Variants in SEMA6D observed in about 807,000 individuals in gnomAD.
The protein encoded by SEMA6D is semaphorin 6D.
A neutral mutation model predicts 106.6 loss-of-function variants in SEMA6D; 35 were observed. The observed-to-expected ratio is 0.33, with a 90% CI of 0.25 to 0.44. SEMA6D has a LOEUF of 0.44. SEMA6D is among the 20% of genes least tolerant of loss of function. The pLI is 1.00. For synonymous variants in SEMA6D, 499 were observed against 487.7 expected, an observed-to-expected ratio of 1.02 and a Z score of -0.31; for missense variants, 1,185 against 1,345.9, an observed-to-expected ratio of 0.88 and a Z score of 1.87.
chr15:47,316,110 T>TTTTTTTTTTTTTA (rs2036664918), intron 1 of SEMA6D, among the ~76,000 whole-genome samples: 8 of 141,150 alleles, frequency 5.7e-5, no homozygotes, highest in Non-Finnish European at 9.1e-5. Flanking sequence ...TCCTTTTTTT[T>TTTTTTTTTTTTTA]GAGACAGAAT....
intron 2 of SEMA6D, among the ~76,000 whole-genome samples, chr15:47,452,208 G>T (rs1473320732): frequency 6.6e-6 from 1 of 151,604 alleles, no homozygotes; most frequent in Non-Finnish European, 1.5e-5. Context: ...TGATAATAAC[G>T]ATGAGGCAAA....
At chr15:47,198,440 A>C (rs1161287600) in intron 1 of SEMA6D, among the ~76,000 whole-genome samples, 1 of 152,084 alleles carries the variant, frequency 6.6e-6, no homozygotes, top group Non-Finnish European at 1.5e-5. Context: ...AATATATACA[A>C]TTTTATCTGT....
At chr15:47,381,461 C>T (rs1304685681) in intron 1 of SEMA6D, among the ~76,000 whole-genome samples, 1 of 152,162 alleles carries the variant, frequency 6.6e-6, no homozygotes, top group African/African-American at 2.4e-5. Flanking sequence ...GTTCCTGAAA[C>T]CAACCTCATT....
intron 1 of SEMA6D, among the ~76,000 whole-genome samples, chr15:47,209,976 T>C (rs1315805722): frequency 6.6e-6 from 1 of 152,196 alleles, no homozygotes; most frequent in Non-Finnish European, 1.5e-5. Flanking sequence ...AGAAAACTAC[T>C]ACATTCTCTT....
chr15:47,555,617 C>T (rs192619862), intron 3 of SEMA6D, among the ~76,000 whole-genome samples: 4 of 152,240 alleles, frequency 2.6e-5, no homozygotes, highest in Non-Finnish European at 5.9e-5. Context: ...TCTCCTACAA[C>T]ATAGATTGCT....
At chr15:47,280,985 T>C (rs2035078185) in intron 1 of SEMA6D, among the ~76,000 whole-genome samples, 1 of 27,572 alleles carries the variant, frequency 3.6e-5, no homozygotes, top group Admixed American at 4.5e-4. Flanking sequence ...GGTGTGGTGC[T>C]GAAAAAAATG....
chr15:47,264,757 A>G (rs906749816), intron 1 of SEMA6D, among the ~76,000 whole-genome samples: 3 of 151,998 alleles, frequency 2.0e-5, no homozygotes, highest in Admixed American at 2.0e-4. Context: ...AATGTTCTTT[A>G]TCAAGTTGAA....
At chr15:47,582,945 C>A (rs1028768873) in intron 3 of SEMA6D, among the ~76,000 whole-genome samples, 69 of 152,322 alleles carry the variant, frequency 4.5e-4, no homozygotes, top group African/African-American at 1.6e-3. Flanking sequence ...TATTGCCAAG[C>A]CCTCCACTCC....
chr15:47,539,045 T>C (rs2045271300), intron 3 of SEMA6D, among the ~76,000 whole-genome samples: 1 of 152,206 alleles, frequency 6.6e-6, no homozygotes, highest in Admixed American at 6.5e-5. Flanking sequence ...CACTGTGACT[T>C]AAGCTTCAGG....
chr15:47,525,115 C>T lies in SEMA6D; in HGVS notation c.-87+54570C>T, dbSNP rs1566857388. On this transcript the variant is annotated intron_variant, in intron 3 of 19. Coordinates refer to the SEMA6D transcript ENST00000558014. ...GTCATACTTCCATGTGACTTTGCCC[C>T]CTGCCTACCAGTAGTCTCTCTCTCT... 3 of 152,210 alleles carry T rather than the reference C, an allele frequency of 2.0e-5. No individual in the cohort carries two copies. The South Asian group carries it at 6.2e-4, about 32-fold the overall frequency. 9.4% of individuals were successfully genotyped at this position (152,210 alleles called of 1,614,324 possible). A position where few individuals can be genotyped will look rare whatever the true frequency, so the allele number is the denominator to read the frequency against.
At chr15:47,291,994 A>G (rs547546229) in intron 1 of SEMA6D, among the ~76,000 whole-genome samples, 28 of 152,376 alleles carry the variant, frequency 1.8e-4, no homozygotes, top group African/African-American at 6.5e-4. Context: ...GTATATGCAC[A>G]TATGCAGAAT....
intron 1 of SEMA6D, among the ~76,000 whole-genome samples, chr15:47,276,010 C>T (rs1418152273): frequency 6.6e-6 from 1 of 152,134 alleles, no homozygotes; most frequent in Non-Finnish European, 1.5e-5. Flanking sequence ...GATAGAAGTT[C>T]AAACCAGCCA....
chr15:47,203,387 AAG>A (rs1220745332), intron 1 of SEMA6D, among the ~76,000 whole-genome samples: 10 of 152,182 alleles, frequency 6.6e-5, no homozygotes, highest in African/African-American at 2.4e-4. Context: ...ATCACTGGAA[AAG>A]AGAAGAGACT....
chr15:47,634,563 G>T (rs892994979), intron 4 of SEMA6D, among the ~76,000 whole-genome samples: 3 of 152,176 alleles, frequency 2.0e-5, no homozygotes, highest in Non-Finnish European at 4.4e-5. Flanking sequence ...GGGAGTGGAG[G>T]CTTAGCTTCC....
chr15:47,331,511 CAT>C (rs1414504152), intron 1 of SEMA6D, among the ~76,000 whole-genome samples: 2 of 152,142 alleles, frequency 1.3e-5, no homozygotes, highest in East Asian at 1.9e-4. Context: ...TTGGGAAAAA[CAT>C]GTATAGTGTT....
chr15:47,260,518 C>T (rs1392242864), intron 1 of SEMA6D, among the ~76,000 whole-genome samples: 1 of 152,094 alleles, frequency 6.6e-6, no homozygotes, highest in East Asian at 1.9e-4. Context: ...CTTTCCCCAC[C>T]AGCAATCCCA....
chr15:47,451,119 T>A (rs1056885037), intron 2 of SEMA6D, among the ~76,000 whole-genome samples: 1 of 152,108 alleles, frequency 6.6e-6, no homozygotes, highest in African/African-American at 2.4e-5. Flanking sequence ...CTTTCCTGAT[T>A]CCTTTTGCAG....
chr15:47,334,221 A>G (rs1374459972), intron 1 of SEMA6D, among the ~76,000 whole-genome samples: 1 of 152,128 alleles, frequency 6.6e-6, no homozygotes, highest in Non-Finnish European at 1.5e-5. Flanking sequence ...GCCCCTTCCC[A>G]CATAGATTGC....
chr15:47,450,867 C>G (rs1432927766), intron 2 of SEMA6D, among the ~76,000 whole-genome samples: 1 of 152,026 alleles, frequency 6.6e-6, no homozygotes, highest in African/African-American at 2.4e-5. Context: ...CTACAATATC[C>G]TGTGTTCTCT....
Sources: allele counts gnomAD v4.1 joint callset (sites outside exome capture counted in the v4.1 genomes callset), GRCh38; gene constraint gnomAD v4.1.1; transcripts MANE v1.5; gene names NCBI Gene and HGNC (gene_info 2026-07-23, HGNC 2026-07-21).